Variants in ERBB4 observed in about 807,000 individuals in gnomAD.
ERBB4 encodes the protein receptor tyrosine-protein kinase erbB-4.
ERBB4 carries 42 observed loss-of-function variants against 158.0 expected under a neutral mutation model. The ratio of observed to expected loss-of-function variants is 0.27; its 90% CI spans 0.21 to 0.34. ERBB4 has a LOEUF of 0.34. Ranked by LOEUF, ERBB4 falls within the 10% of genes least tolerant of loss-of-function variation. The pLI, the probability that ERBB4 is intolerant of heterozygous loss-of-function variation, is 1.00. For missense variants in ERBB4, 1,333 were observed against 1,624.1 expected (o/e 0.82, Z 3.08); for synonymous variants, 583 against 558.7 (o/e 1.04, Z -0.61).
intron 1 of ERBB4, among the ~76,000 whole-genome samples, chr2:212,504,743 A>G (rs1019533505): frequency 2.6e-5 from 4 of 152,162 alleles, no homozygotes; most frequent in African/African-American, 9.6e-5. Flanking sequence ...TATGTACAAT[A>G]AAGTTTGATT....
Position 212,220,219 on chromosome 2 carries a change from C to G in ERBB4, c.83-95316G>C, listed in dbSNP as rs113365171. On this transcript the variant is annotated intron_variant, in intron 1 of 27. Transcript: ENST00000342788. ...TCTTTTTCTCCTTTTATAACTGGATCAATATTTTTGAGTATATAAGAATAT... is the reference window on the plus strand; with the variant it reads ...TCTTTTTCTCCTTTTATAACTGGATGAATATTTTTGAGTATATAAGAATAT... Among the ~76,000 whole-genome samples, 724 of 151,450 alleles carry G rather than the reference C, an allele frequency of 4.8e-3. 7 individuals carry two copies. The highest frequency in any genetic ancestry group is 0.017 in the Middle Eastern group (5 of 294).
At chr2:211,642,485 G>T (rs1342772868) in intron 16 of ERBB4, among the ~76,000 whole-genome samples, 1 of 152,038 alleles carries the variant, frequency 6.6e-6, no homozygotes, top group African/African-American at 2.4e-5. Context: ...TCAATCATTG[G>T]ATTTCTTTAC....
At chr2:212,350,350 A>T (rs1436914571) in intron 1 of ERBB4, among the ~76,000 whole-genome samples, 1 of 152,126 alleles carries the variant, frequency 6.6e-6, no homozygotes, top group Non-Finnish European at 1.5e-5. Context: ...GAGGAAAAAT[A>T]CGAGGTTTTC....
At chr2:211,682,504 T>C (rs961862622) in intron 12 of ERBB4, among the ~76,000 whole-genome samples, 8 of 152,118 alleles carry the variant, frequency 5.3e-5, no homozygotes, top group Middle Eastern at 3.2e-3. Flanking sequence ...TTTAAAAAAA[T>C]ATCTGGTCAA....
intron 1 of ERBB4, among the ~76,000 whole-genome samples, chr2:212,382,389 A>G (rs940233358): frequency 6.6e-6 from 1 of 150,914 alleles, no homozygotes; most frequent in South Asian, 2.1e-4. Flanking sequence ...TGTGAACTCT[A>G]TGTAAAAATG....
At chr2:212,533,104 A>C (rs1424122715) in intron 1 of ERBB4, among the ~76,000 whole-genome samples, 1 of 152,216 alleles carries the variant, frequency 6.6e-6, no homozygotes, top group Non-Finnish European at 1.5e-5. Flanking sequence ...ACCATAGAAC[A>C]ATTCTGAAAA....
intron 1 of ERBB4, among the ~76,000 whole-genome samples, chr2:212,365,831 A>G (rs771603587): frequency 6.6e-6 from 1 of 151,928 alleles, no homozygotes; most frequent in Non-Finnish European, 1.5e-5. Flanking sequence ...AAATAACTGT[A>G]AGTACATACT....
intron 20 of ERBB4, among the ~76,000 whole-genome samples, chr2:211,487,361 AAAAT>A (rs1197300844): frequency 5.3e-4 from 76 of 143,340 alleles, no homozygotes; most frequent in Non-Finnish European, 9.1e-5. Flanking sequence ...CACTGGAATT[AAAAT>A]AAATAAAAAA....
intron 3 of ERBB4, among the ~76,000 whole-genome samples, chr2:211,801,426 A>T (rs1429830026): frequency 6.6e-6 from 1 of 152,060 alleles, no homozygotes; most frequent in Non-Finnish European, 1.5e-5. Context: ...AAAAATATTC[A>T]TCTTTAGACA....
intron 3 of ERBB4, among the ~76,000 whole-genome samples, chr2:211,918,529 G>T (rs889687173): frequency 2.0e-5 from 3 of 152,060 alleles, no homozygotes; most frequent in African/African-American, 7.2e-5. Context: ...GTACCCTGTA[G>T]ATTTCGAGAG....
intron 1 of ERBB4, among the ~76,000 whole-genome samples, chr2:212,313,717 G>A (rs959225819): frequency 6.0e-5 from 9 of 150,788 alleles, no homozygotes; most frequent in African/African-American, 2.2e-4. Context: ...ATTTAGTTTT[G>A]TTTTCCAGAA....
chr2:212,532,239 G>A (rs1485136213), intron 1 of ERBB4, among the ~76,000 whole-genome samples: 2 of 152,178 alleles, frequency 1.3e-5, no homozygotes, highest in Non-Finnish European at 2.9e-5. Context: ...AAGATGACTG[G>A]ATTACATCAG....
chr2:212,050,035 A>C (rs749733166), intron 2 of ERBB4, among the ~76,000 whole-genome samples: 1 of 152,160 alleles, frequency 6.6e-6, no homozygotes. Context: ...AGGGACAAAG[A>C]TAAGCTAGGG....
At chr2:211,963,139 G>C (rs1365907118) in intron 2 of ERBB4, among the ~76,000 whole-genome samples, 1 of 151,956 alleles carries the variant, frequency 6.6e-6, no homozygotes, top group Non-Finnish European at 1.5e-5. Flanking sequence ...TTCTCAACTG[G>C]GGTGTTTTGC....
At chr2:212,187,530 T>C (rs1282328194) in intron 1 of ERBB4, among the ~76,000 whole-genome samples, 1 of 151,998 alleles carries the variant, frequency 6.6e-6, no homozygotes, top group Non-Finnish European at 1.5e-5. Flanking sequence ...CTCCAAACTA[T>C]GGAATTGCTG....
chr2:212,196,505 G>T (rs2082431656), intron 1 of ERBB4, among the ~76,000 whole-genome samples: 1 of 151,998 alleles, frequency 6.6e-6, no homozygotes, highest in African/African-American at 2.4e-5. Flanking sequence ...ATGTCTAAGT[G>T]GGTCCATGTA....
intron 3 of ERBB4, among the ~76,000 whole-genome samples, chr2:211,845,531 A>T (rs868342993): frequency 3.9e-5 from 6 of 152,048 alleles, no homozygotes; most frequent in African/African-American, 1.2e-4. Flanking sequence ...GGGATCTACA[A>T]ATCTCTCACT....
At chr2:212,181,444 C>T (rs1359223649) in intron 1 of ERBB4, among the ~76,000 whole-genome samples, 1 of 151,522 alleles carries the variant, frequency 6.6e-6, no homozygotes, top group South Asian at 2.1e-4. Flanking sequence ...AAATGCAGAT[C>T]TTTATCACTT....
chr2:211,517,297 CTCAT>C (rs2066061989), intron 20 of ERBB4, among the ~76,000 whole-genome samples: 1 of 151,972 alleles, frequency 6.6e-6, no homozygotes, highest in South Asian at 2.1e-4. Flanking sequence ...ATGATACCTT[CTCAT>C]TCAATTTTTA....
Sources: gnomAD v4.1 joint callset for allele counts (sites outside exome capture counted in the v4.1 genomes callset) on GRCh38, gnomAD v4.1.1 for gene constraint, MANE v1.5 for transcripts, NCBI Gene and HGNC (gene_info 2026-07-23, HGNC 2026-07-21) for gene names.